SLC18A1: variants seen among roughly 807,000 people sequenced by gnomAD.
The protein encoded by SLC18A1 is chromaffin granule amine transporter.
Under a neutral mutation model 53.7 loss-of-function variants are expected in SLC18A1, and 69 were observed. That is an observed-to-expected ratio of 1.28 (90% CI 1.06 to 1.57). SLC18A1 has a LOEUF of 1.57. Ranked by LOEUF, SLC18A1 falls within the 40% of genes most tolerant of loss-of-function variation. The pLI is 0.00. For synonymous variants in SLC18A1, 320 were observed against 248.1 expected (o/e 1.29, Z -2.72); for missense variants, 932 against 668.1 (o/e 1.40, Z -4.35).
intron 8 of SLC18A1, among the ~76,000 whole-genome samples, chr8:20,169,637 G>A (rs533120441): frequency 2.0e-5 from 3 of 152,240 alleles, no homozygotes; most frequent in Admixed American, 2.0e-4. Context: ...CCAGCACTTT[G>A]GGAGGCTGAG....
intron 12 of SLC18A1, 112 bp downstream of exon 12, chr8:20,149,564 C>T: frequency 1.2e-6 from 1 of 815,000 alleles, no homozygotes; most frequent in Non-Finnish European, 2.0e-6. Context: ...CTTTAAATGT[C>T]TGTGTCTTTC....
At chr8:20,157,851 T>A (rs1179315009) in intron 10 of SLC18A1, among the ~76,000 whole-genome samples, 1 of 152,176 alleles carries the variant, frequency 6.6e-6, no homozygotes, top group Non-Finnish European at 1.5e-5. Context: ...CCTCGGCAAG[T>A]GGACTTTGGA....
At chr8:20,149,562 G>A (rs532182146) in intron 12 of SLC18A1, 114 bp downstream of exon 12, 1 of 799,602 alleles carries the variant, frequency 1.3e-6, no homozygotes, top group South Asian at 1.6e-5. Flanking sequence ...GTCTTTAAAT[G>A]TCTGTGTCTT....
rs1276759069 is a variant in SLC18A1, at chr8:20,150,731, C to G, written c.1029G>C (p.Leu343Phe). 6.2e-7 allele frequency: 1 copy of G among 1,614,088 alleles called. No individual in the cohort carries two copies. The highest frequency in any genetic ancestry group is 1.3e-5 in the African/African-American group (1 of 75,044). ...CAATGAGGTAGGACACACTGGCAGG[C>G]AAGAAAGCTAGACCTGTGGAAGGAC... ...SPKWQLGLAF[L>F]PASVSYLIGT... The change falls in exon 11 of 16, where the codon TTG (leucine) becomes TTC (phenylalanine). Residue 343 changes from leucine (L) to phenylalanine (F), a missense_variant. Transcript: ENST00000276373.
intron 8 of SLC18A1, among the ~76,000 whole-genome samples, 159 bp from the exon 9 acceptor site, chr8:20,165,266 T>C (rs1273296986): frequency 6.6e-6 from 1 of 152,172 alleles, no homozygotes; most frequent in Non-Finnish European, 1.5e-5. Context: ...AGAAAGTGAC[T>C]TGTCTGATGC....
intron 5 of SLC18A1, among the ~76,000 whole-genome samples, chr8:20,174,068 TTC>T (rs1435629347): frequency 6.6e-6 from 1 of 151,866 alleles, no homozygotes; most frequent in African/African-American, 2.4e-5. Context: ...GGCTAACTTA[TTC>T]TCTCTTTTTT....
At chr8:20,170,388 C>T (rs540202290) in intron 8 of SLC18A1, among the ~76,000 whole-genome samples, 2 of 152,232 alleles carry the variant, frequency 1.3e-5, no homozygotes, top group Admixed American at 6.5e-5. Context: ...GCTCCTGGTG[C>T]GTGAAAAGCC....
intron 1 of SLC18A1, among the ~76,000 whole-genome samples, chr8:20,182,385 C>A (rs145865392): frequency 6.6e-6 from 1 of 152,052 alleles, no homozygotes; most frequent in Non-Finnish European, 1.5e-5. Flanking sequence ...AATACTATTA[C>A]TATAACGTTA....
At chr8:20,157,167 G>C (rs1204485370) in intron 10 of SLC18A1, among the ~76,000 whole-genome samples, 3 of 152,202 alleles carry the variant, frequency 2.0e-5, no homozygotes, top group Non-Finnish European at 4.4e-5. Flanking sequence ...AAAATGACTA[G>C]GGGTGCTGGC....
At chr8:20,169,825 G>C (rs1346889642) in intron 8 of SLC18A1, among the ~76,000 whole-genome samples, 1 of 152,184 alleles carries the variant, frequency 6.6e-6, no homozygotes, top group Non-Finnish European at 1.5e-5. Context: ...GTTGCAGTGA[G>C]CCGAGATCGC....
chr8:20,152,774 G>C (rs1405529625), intron 10 of SLC18A1, among the ~76,000 whole-genome samples: 1 of 152,174 alleles, frequency 6.6e-6, no homozygotes, highest in African/African-American at 2.4e-5. Context: ...TTAGACATTA[G>C]CAAAGAAGGC....
Position 20,145,817 on chromosome 8 carries a change from C to T in SLC18A1, c.1524G>A (p.Thr508=). 6.2e-7 allele frequency: 1 copy of T among 1,612,364 alleles called. No homozygotes were observed. Among genetic ancestry groups the T allele is most frequent in the East Asian group, 2.2e-5 (1 of 44,810 alleles). ...TGTCCTCCCCCAGAGGAAATTCCTTCGTGGGCTTCTGGGTTGCATACATCC... is the reference window on the plus strand; with the variant it reads ...TGTCCTCCCCCAGAGGAAATTCCTTTGTGGGCTTCTGGGTTGCATACATCC... ...ETRMYATQKP[T]KEFPLGEDSD... The change falls in exon 16 of 16, where the codon ACG becomes ACA. Residue 508 remains threonine (T), a synonymous_variant. Coordinates refer to ENST00000276373, the MANE Select transcript of SLC18A1 (RefSeq NM_003053.4).
chr8:20,146,161 C>T (rs1460828878), intron 15 of SLC18A1, among the ~76,000 whole-genome samples: 2 of 152,060 alleles, frequency 1.3e-5, no homozygotes, highest in East Asian at 1.9e-4. Flanking sequence ...GTGATGCGCC[C>T]GCCTCAGCCT....
chr8:20,176,612 G>A (rs1055422755), intron 4 of SLC18A1, among the ~76,000 whole-genome samples: 2 of 152,148 alleles, frequency 1.3e-5, no homozygotes, highest in African/African-American at 2.4e-5. Context: ...TAGTTGGGGG[G>A]TGGAGGGTTT....
chr8:20,173,898 T>C (rs1270566239), intron 5 of SLC18A1, among the ~76,000 whole-genome samples: 12 of 141,534 alleles, frequency 8.5e-5, no homozygotes, highest in Middle Eastern at 3.3e-3. Context: ...TTCCTTTCTT[T>C]TTTTTTTTTT....
intron 10 of SLC18A1, 156 bp from the exon 11 acceptor site, chr8:20,150,900 G>T (rs1166922201): frequency 1.5e-6 from 1 of 648,994 alleles, no homozygotes; most frequent in Non-Finnish European, 2.8e-6. Context: ...ACCCACAGTA[G>T]TTGCCATAGG....
Position 20,145,705 on chromosome 8 carries a change from G to T in SLC18A1, c.*58C>A. 2 of 1,129,264 alleles carry T rather than the reference G, an allele frequency of 1.8e-6. No homozygotes were observed. The highest frequency in any genetic ancestry group is 1.3e-6 in the Non-Finnish European group (1 of 765,098). 70.0% of individuals were successfully genotyped at this position (1,129,264 alleles called of 1,614,324 possible). ...CCGTGGGCTCAGCCATGGTGATCTGGTCCCAGGGAAAGAGGTGGTCACTGA... is the reference window on the plus strand; with the variant it reads ...CCGTGGGCTCAGCCATGGTGATCTGTTCCCAGGGAAAGAGGTGGTCACTGA... On this transcript the variant is annotated 3_prime_UTR_variant, in exon 16 of 16. Transcript: ENST00000276373.
intron 4 of SLC18A1, among the ~76,000 whole-genome samples, chr8:20,176,916 C>T (rs1486062926): frequency 1.3e-5 from 2 of 152,130 alleles, no homozygotes; most frequent in Non-Finnish European, 2.9e-5. Context: ...ACTAGCACAC[C>T]GCATTGTCTT....
Position 20,165,115 on chromosome 8 carries a change from C to A in SLC18A1, c.859-8G>T, listed in dbSNP as rs1163585216. On this transcript the variant is annotated splice_polypyrimidine_tract_variant and splice_region_variant and intron_variant, in intron 8 of 15. Transcript: ENST00000276373. ...GGGAGTCCCCTTGGCACTCTGAGAA[C>A]ATGGATAACAAAAAATGTCCATTTG... The A allele has an allele frequency of 9.9e-6, 16 of 1,613,156 alleles. No homozygotes were observed. The highest frequency in any genetic ancestry group is 1.4e-5 in the Non-Finnish European group (16 of 1,179,098).
Sources: gnomAD v4.1 joint callset for allele counts (sites outside exome capture counted in the v4.1 genomes callset) on GRCh38, gnomAD v4.1.1 for gene constraint, MANE v1.5 for transcripts, NCBI Gene and HGNC (gene_info 2026-07-23, HGNC 2026-07-21) for gene names.